DLGAP1: variants seen among roughly 807,000 people sequenced by gnomAD.
DLGAP1 encodes the protein disks large-associated protein 1.
In DLGAP1, 11 loss-of-function variants were observed where a neutral mutation model predicts 90.8. The observed-to-expected ratio is 0.12, with a 90% CI of 0.08 to 0.20. The LOEUF is 0.20. Among genes scored for constraint, DLGAP1 ranks in the 10% least tolerant of loss-of-function variants. The pLI is 1.00. For missense variants in DLGAP1, 1,050 were observed against 1,333.8 expected, an observed-to-expected ratio of 0.79 and a Z score of 3.31; for synonymous variants, 558 against 540.7, an observed-to-expected ratio of 1.03 and a Z score of -0.44.
intron 1 of DLGAP1, among the ~76,000 whole-genome samples, chr18:4,158,900 T>C (rs2076800354): frequency 6.6e-6 from 1 of 152,142 alleles, no homozygotes; most frequent in Non-Finnish European, 1.5e-5. Context: ...TCAGATTGCA[T>C]ATATTGAGTA....
At chr18:4,195,562 T>A (rs184210890) in intron 1 of DLGAP1, among the ~76,000 whole-genome samples, 2 of 152,322 alleles carry the variant, frequency 1.3e-5, no homozygotes, top group Admixed American at 6.5e-5. Context: ...CTATTTATTT[T>A]TTTTTTGAGA....
intron 7 of DLGAP1, chr18:3,594,003 C>T (rs1167580062): frequency 7.8e-6 from 1 of 128,312 alleles, no homozygotes; most frequent in Admixed American, 8.0e-5. Flanking sequence ...GAGAGTTCGT[C>T]ATTAAAGAAA....
intron 3 of DLGAP1, chr18:3,986,495 C>T (rs2073846467): frequency 6.6e-6 from 1 of 151,974 alleles, no homozygotes; most frequent in African/African-American, 2.4e-5. Context: ...ATCTTCTAGC[C>T]TCAGTCTTCC....
chr18:3,905,645 T>C (rs1568292132), intron 3 of DLGAP1, among the ~76,000 whole-genome samples: 1 of 152,158 alleles, frequency 6.6e-6, no homozygotes, highest in Non-Finnish European at 1.5e-5. Context: ...CAATTGTTTG[T>C]TAAAAGTTTT....
intron 2 of DLGAP1, among the ~76,000 whole-genome samples, chr18:4,065,383 T>C (rs1363017566): frequency 6.6e-6 from 1 of 152,010 alleles, no homozygotes; most frequent in African/African-American, 2.4e-5. Context: ...AGTCAAACTA[T>C]CCCTGCTTGC....
At chr18:4,168,863 T>C (rs1241353625) in intron 1 of DLGAP1, among the ~76,000 whole-genome samples, 1 of 152,184 alleles carries the variant, frequency 6.6e-6, no homozygotes, top group Non-Finnish European at 1.5e-5. Flanking sequence ...GAACTACTGG[T>C]GTACACCACT....
rs768621065 is a variant in DLGAP1, at chr18:3,857,169, T to C, written c.957+21943A>G. 2.0e-5 allele frequency among the ~76,000 whole-genome samples: 3 copies of C among 152,114 alleles called. 1 individual carries two copies. The highest frequency in any genetic ancestry group is 4.4e-5 in the Non-Finnish European group (3 of 68,030). On this transcript the variant is annotated intron_variant, in intron 4 of 12. Transcript: ENST00000315677. ...TAGATTATTATTTAAAATTAGAATA[T>C]TTAAATTATTTTAAGATGCTAAGAA...
intron 2 of DLGAP1, among the ~76,000 whole-genome samples, chr18:4,017,103 T>C (rs1402515405): frequency 6.6e-6 from 1 of 152,166 alleles, no homozygotes; most frequent in Admixed American, 6.6e-5. Context: ...AGTGACCATA[T>C]AATCTAAGGA....
chr18:3,705,459 T>C (rs2061403649), intron 7 of DLGAP1, among the ~76,000 whole-genome samples: 2 of 151,966 alleles, frequency 1.3e-5, no homozygotes, highest in Admixed American at 1.3e-4. Context: ...CTGGAAAATA[T>C]GGAGCTAAAC....
At chr18:4,164,261 C>CA (rs2076895898) in intron 1 of DLGAP1, among the ~76,000 whole-genome samples, 2 of 152,134 alleles carry the variant, frequency 1.3e-5, no homozygotes, top group African/African-American at 2.4e-5. Context: ...ACCTGTCATA[C>CA]AAAAATCAAG....
At chr18:3,783,434 G>A (rs1443215381) in intron 5 of DLGAP1, among the ~76,000 whole-genome samples, 1 of 152,164 alleles carries the variant, frequency 6.6e-6, no homozygotes, top group East Asian at 1.9e-4. Context: ...AATAAAATGT[G>A]GGTTTTCCAC....
At chr18:4,359,726 G>A (rs1021163978) in intron 1 of DLGAP1, among the ~76,000 whole-genome samples, 2 of 152,148 alleles carry the variant, frequency 1.3e-5, no homozygotes, top group African/African-American at 2.4e-5. Flanking sequence ...CTTGGACTAG[G>A]ATTGATAATG....
intron 4 of DLGAP1, among the ~76,000 whole-genome samples, chr18:3,816,219 G>C (rs1448728255): frequency 2.6e-5 from 4 of 152,082 alleles, no homozygotes; most frequent in African/African-American, 9.7e-5. Context: ...CAGCTAAAAC[G>C]GCAGCACTAG....
chr18:3,921,127 T>C (rs937345495), intron 3 of DLGAP1, among the ~76,000 whole-genome samples: 3 of 152,238 alleles, frequency 2.0e-5, no homozygotes, highest in Admixed American at 6.5e-5. Flanking sequence ...AGCATTCTTT[T>C]ATAAATCACA....
intron 1 of DLGAP1, among the ~76,000 whole-genome samples, chr18:4,250,424 CTG>C (rs1481908473): frequency 1.3e-5 from 2 of 152,222 alleles, no homozygotes; most frequent in Non-Finnish European, 2.9e-5. Context: ...CACTGTTCCT[CTG>C]TACCTGAGAA....
rs1290752111 is a variant in DLGAP1, at chr18:3,775,341, G to C, written c.1173-32829C>G. On this transcript the variant is annotated intron_variant, in intron 5 of 12. Transcript: ENST00000315677. This position sits in a 1 kb window ranked among gnomAD's most constrained non-coding sequence, Gnocchi z 4.9. ...ACATGTTGGCGGAAGGGCCTGGTGGGAGGTGACTGAATCATGGGGGCAGAC... is the reference window on the plus strand; with the variant it reads ...ACATGTTGGCGGAAGGGCCTGGTGGCAGGTGACTGAATCATGGGGGCAGAC... 6.6e-6 allele frequency among the ~76,000 whole-genome samples: 1 copy of C among 152,202 alleles called. No individual in the cohort carries two copies. The highest frequency in any genetic ancestry group is 1.9e-4 in the East Asian group (1 of 5,190).
chr18:3,794,786 CA>C (rs754792336), intron 5 of DLGAP1, among the ~76,000 whole-genome samples: 2 of 152,236 alleles, frequency 1.3e-5, no homozygotes, highest in African/African-American at 4.8e-5. Context: ...ATCTATTCAG[CA>C]GCGGAGGAAG....
intron 10 of DLGAP1, among the ~76,000 whole-genome samples, chr18:3,521,345 G>C (rs572364668): frequency 3.5e-4 from 53 of 152,156 alleles, no homozygotes; most frequent in Non-Finnish European, 6.8e-4. Flanking sequence ...CTTTTCCTTG[G>C]TTCCCCTGCT....
chr18:3,652,257 T>C (rs916565907), intron 7 of DLGAP1, among the ~76,000 whole-genome samples: 1 of 152,148 alleles, frequency 6.6e-6, no homozygotes, highest in African/African-American at 2.4e-5. Flanking sequence ...AGGAATATTT[T>C]TAATACATTA....
Sources: allele counts gnomAD v4.1 joint callset (sites outside exome capture counted in the v4.1 genomes callset), GRCh38; gene constraint gnomAD v4.1.1; non-coding constraint Gnocchi (gnomAD v3.1); transcripts MANE v1.5; gene names NCBI Gene and HGNC (gene_info 2026-07-23, HGNC 2026-07-21).